The following PPIP5K2 variants were observed in gnomAD, a reference collection of about 807,000 sequenced individuals.
PPIP5K2 encodes the protein inositol hexakisphosphate and diphosphoinositol-pentakisphosphate kinase 2.
A neutral mutation model predicts 154.6 loss-of-function variants in PPIP5K2; 105 were observed. That is an observed-to-expected ratio of 0.68 (90% CI 0.58 to 0.80). The LOEUF is 0.80. PPIP5K2 is among the 30% of genes least tolerant of loss of function. The pLI, the probability that PPIP5K2 is intolerant of heterozygous loss-of-function variation, is 0.00. For missense variants in PPIP5K2, 992 were observed against 1,504.6 expected (o/e 0.66, Z 5.64); for synonymous variants, 480 against 490.3 (o/e 0.98, Z 0.28).
chr5:103,155,652 C>G (rs1292754937), intron 13 of PPIP5K2, among the ~76,000 whole-genome samples: 10 of 151,758 alleles, frequency 6.6e-5, no homozygotes, highest in Admixed American at 5.9e-4. Context: ...TCTCGAACTC[C>G]TGACCTCAAG....
rs188423939 is a variant in PPIP5K2 at position 103,145,457 on chromosome 5, C to T, written c.488-1070C>T. Among the ~76,000 whole-genome samples the T allele has an allele frequency of 2.0e-3, 308 of 152,120 alleles. 2 individuals carry two copies. Among genetic ancestry groups the T allele is most frequent in the Middle Eastern group, 3.4e-3 (1 of 294 alleles). ...GAGATATTTGCACTCATGTTTATTG[C>T]AGCACCACTTGGAATAGCCAGTATG... is the stretch of plus-strand genomic sequence containing the variant. On this transcript the variant is annotated intron_variant, in intron 5 of 30. Transcript: ENST00000358359.
Position 103,183,422 on chromosome 5 carries a change from C to T in PPIP5K2, c.3096+15C>T. 2 of 1,595,516 alleles carry T rather than the reference C, an allele frequency of 1.3e-6. No individual in the cohort carries two copies. Among genetic ancestry groups the T allele is most frequent in the South Asian group, 1.1e-5 (1 of 89,248 alleles). On this transcript the variant is annotated intron_variant, in intron 25 of 30. Coordinates refer to ENST00000358359, the MANE Select transcript of PPIP5K2 (RefSeq NM_001276277.3). ...CATGGCAACAGGTTTTTAAACTTTACTTCATTAAACATTTTTCCTCCCTGC... is the reference window on the plus strand; with the variant it reads ...CATGGCAACAGGTTTTTAAACTTTATTTCATTAAACATTTTTCCTCCCTGC...
At chr5:103,177,606 TA>T in intron 21 of PPIP5K2, 60 bp from the exon 22 acceptor site, 1 of 1,140,460 alleles carries the variant, frequency 8.8e-7, no homozygotes, top group Non-Finnish European at 1.3e-6. Flanking sequence ...ATAGTGACAA[TA>T]AAGTGACTTT....
chr5:103,126,993 A>G (rs1193489629), intron 1 of PPIP5K2, among the ~76,000 whole-genome samples: 1 of 152,186 alleles, frequency 6.6e-6, no homozygotes, highest in Admixed American at 6.5e-5. Context: ...CTGCACAGCT[A>G]CAACCATTAG....
In PPIP5K2 at chr5:103,158,904, A is replaced by G. The variant is rs116031054; in HGVS notation, c.1738-242A>G. Among the ~76,000 whole-genome samples the G allele has an allele frequency of 3.9e-3, 588 of 152,230 alleles. 2 individuals carry two copies. Among genetic ancestry groups the G allele is most frequent in the African/African-American group, 0.013 (553 of 41,534 alleles). The stretch of plus-strand genomic sequence containing the variant: ...AAATCACACCGCTGCACTCTACCGC[A>G]GGCAACAGTGTCAGACCCTTGTCTC... On this transcript the variant is annotated intron_variant, in intron 16 of 30. Transcript: ENST00000358359.
chr5:103,192,101 C>G (rs1801337468), intron 29 of PPIP5K2, among the ~76,000 whole-genome samples: 1 of 151,984 alleles, frequency 6.6e-6, no homozygotes, highest in South Asian at 2.1e-4. Context: ...AAAGTAGTGA[C>G]CTTTCCCTTT....
At chr5:103,148,289 T>C in intron 7 of PPIP5K2, 2 of 451,926 alleles carry the variant, frequency 4.4e-6, no homozygotes, top group South Asian at 2.0e-5. Flanking sequence ...TAATAAAATA[T>C]TTAAAAACCA....
At chr5:103,153,974 T>C in intron 11 of PPIP5K2, 40 bp downstream of exon 11, 3 of 1,423,676 alleles carry the variant, frequency 2.1e-6, no homozygotes, top group Non-Finnish European at 2.9e-6. Flanking sequence ...CATGATACAA[T>C]TTTAAGATTT....
intron 17 of PPIP5K2, 120 bp from the exon 18 acceptor site, chr5:103,167,059 T>G (rs1797243637): frequency 1.4e-6 from 1 of 719,866 alleles, no homozygotes; most frequent in Non-Finnish European, 2.1e-6. Flanking sequence ...TATTTTGTGG[T>G]CATTTTAATT....
At chr5:103,124,278 C>CAAA (rs71226931) in intron 1 of PPIP5K2, among the ~76,000 whole-genome samples, 34,320 of 126,106 alleles carry the variant, frequency 0.27, 4,685 homozygotes, top group East Asian at 0.46. Flanking sequence ...GACTCCATCT[C>CAAA]AAAAAAAAAA....
intron 6 of PPIP5K2, among the ~76,000 whole-genome samples, chr5:103,147,051 C>T (rs1793865106): frequency 1.3e-5 from 2 of 151,786 alleles, no homozygotes; most frequent in Admixed American, 1.3e-4. Flanking sequence ...TGAAAGTATA[C>T]TTAATTGTAC....
At chr5:103,167,072 T>C (rs1278896435) in intron 17 of PPIP5K2, 107 bp from the exon 18 acceptor site, 5 of 839,094 alleles carry the variant, frequency 6.0e-6, no homozygotes, top group Non-Finnish European at 8.6e-6. Flanking sequence ...TTTTAATTTC[T>C]GCTATGGAAT....
chr5:103,181,137 G>A (rs1799471571), intron 24 of PPIP5K2, among the ~76,000 whole-genome samples: 2 of 152,006 alleles, frequency 1.3e-5, no homozygotes, highest in Admixed American at 1.3e-4. Context: ...GTTAAATAAA[G>A]CTTTAGCACC....
Position 103,211,952 on chromosome 5 carries a change from A to G in PPIP5K2, c.*10318A>G, listed in dbSNP as rs1803830789. ...AATTAAAACTAGTTATCTGAATGTA[A>G]AAGGAATCAACGGCTAAATCAAGCT... On this transcript the variant is annotated 3_prime_UTR_variant, in exon 31 of 31. Coordinates refer to ENST00000358359, the MANE Select transcript of PPIP5K2 (RefSeq NM_001276277.3). The G allele has an allele frequency of 6.6e-6, 1 of 152,156 alleles. No individual in the cohort carries two copies. Among genetic ancestry groups the G allele is most frequent in the Non-Finnish European group, 1.5e-5 (1 of 67,974 alleles). The allele number at this position is 152,156 out of a possible 1,614,324, so 9.4% of individuals were successfully genotyped here. A position where few individuals can be genotyped will look rare whatever the true frequency, so the allele number is the denominator to read the frequency against.
At position 103,159,134 on chromosome 5, in the gene PPIP5K2, T is replaced by A; in HGVS notation, c.1738-12T>A. Reference sequence around the variant, plus strand: ...TTTTTAAATTCGTGTTTTCTTTATTTAATATGCTTAGGGGCTTTTAGCTTT... The same window carrying A: ...TTTTTAAATTCGTGTTTTCTTTATTAAATATGCTTAGGGGCTTTTAGCTTT... On this transcript the variant is annotated splice_polypyrimidine_tract_variant and intron_variant, in intron 16 of 30. Coordinates refer to ENST00000358359, the MANE Select transcript of PPIP5K2 (RefSeq NM_001276277.3). 1 of 1,493,344 alleles carries A rather than the reference T, an allele frequency of 6.7e-7. No individual in the cohort carries two copies. The allele number at this position is 1,493,344 out of a possible 1,614,324, so 92.5% of individuals were successfully genotyped here.
At chr5:103,170,604 G>A (rs1416008999) in intron 19 of PPIP5K2, among the ~76,000 whole-genome samples, 2 of 150,788 alleles carry the variant, frequency 1.3e-5, no homozygotes, top group Non-Finnish European at 3.0e-5. Flanking sequence ...ACAACTTTGG[G>A]TTTATCTCCC....
chr5:103,165,856 T>A (rs1554217690), intron 17 of PPIP5K2, among the ~76,000 whole-genome samples: 1 of 152,104 alleles, frequency 6.6e-6, no homozygotes, highest in Non-Finnish European at 1.5e-5. Context: ...CAATAGCCAG[T>A]ACCATAGACA....
intron 5 of PPIP5K2, among the ~76,000 whole-genome samples, chr5:103,140,262 G>A (rs1193119166): frequency 6.6e-6 from 1 of 151,746 alleles, no homozygotes; most frequent in Non-Finnish European, 1.5e-5. Flanking sequence ...AGCAATAACA[G>A]AACTTTCCAA....
chr5:103,204,142 G>A lies in PPIP5K2; in HGVS notation c.*2508G>A, dbSNP rs544478202. 1 of 152,198 alleles carries A rather than the reference G, an allele frequency of 6.6e-6. No homozygotes were observed. The highest frequency in any genetic ancestry group is 1.9e-4 in the East Asian group (1 of 5,192). 9.4% of individuals were successfully genotyped at this position (152,198 alleles called of 1,614,324 possible). ...TGGGTTGACTCTGTCTGACCTAAATGTCCACTGTTAACTAGTGCCATGCCA... is the reference window on the plus strand; with the variant it reads ...TGGGTTGACTCTGTCTGACCTAAATATCCACTGTTAACTAGTGCCATGCCA... On this transcript the variant is annotated 3_prime_UTR_variant, in exon 31 of 31. Coordinates refer to ENST00000358359, the MANE Select transcript of PPIP5K2 (RefSeq NM_001276277.3).
Sources: gnomAD v4.1 joint callset for allele counts (sites outside exome capture counted in the v4.1 genomes callset) on GRCh38, gnomAD v4.1.1 for gene constraint, MANE v1.5 for transcripts, NCBI Gene and HGNC (gene_info 2026-07-23, HGNC 2026-07-21) for gene names.